Variants in JAZF1 observed in about 807,000 individuals in gnomAD.
JAZF1 encodes juxtaposed with another zinc finger protein 1.
Under a neutral mutation model 26.4 loss-of-function variants are expected in JAZF1, and 8 were observed. The observed-to-expected ratio is 0.30, with a 90% confidence interval of 0.18 to 0.55. The LOEUF is 0.55. Ranked by LOEUF, JAZF1 falls within the 20% of genes least tolerant of loss-of-function variation. JAZF1 has a pLI of 0.94. For synonymous variants in JAZF1, 126 were observed against 122.3 expected, an observed-to-expected ratio of 1.03 and a Z score of -0.20; for missense variants, 199 against 322.0, an observed-to-expected ratio of 0.62 and a Z score of 2.92.
intron 1 of JAZF1, among the ~76,000 whole-genome samples, chr7:28,150,415 A>C (rs748832405): frequency 5.3e-5 from 8 of 152,232 alleles, no homozygotes; most frequent in African/African-American, 1.9e-4. Flanking sequence ...GATATTGACT[A>C]TCATTATCTT....
Position 28,132,572 on chromosome 7 carries a change from G to A in JAZF1, c.115+47891C>T, listed in dbSNP as rs1435474158. Among the ~76,000 whole-genome samples, 11 of 152,122 alleles carry A rather than the reference G, an allele frequency of 7.2e-5. 1 individual carries two copies. In the East Asian group the frequency reaches 2.1e-3, roughly 29 times the overall value. ...GGCAATTGGAGCTACACATAAGGAA[G>A]CAATTTCCAGCCATAATTTTAATTA... On this transcript the variant is annotated intron_variant, in intron 1 of 4. Coordinates refer to ENST00000283928, the MANE Select transcript of JAZF1 (RefSeq NM_175061.4).
In JAZF1 at chr7:27,832,384, A is replaced by G. The variant is rs1167176152; in HGVS notation, c.*416T>C. On this transcript the variant is annotated 3_prime_UTR_variant, in exon 5 of 5. Transcript: ENST00000283928. ...TAATGAAGGTATTATTTTGGTTTTGAACATATGTGAGTTGATGTGTTGAAA... is the reference window on the plus strand; with the variant it reads ...TAATGAAGGTATTATTTTGGTTTTGGACATATGTGAGTTGATGTGTTGAAA... 1 of 226,948 alleles carries G rather than the reference A, an allele frequency of 4.4e-6. No individual in the cohort carries two copies. The highest frequency in any genetic ancestry group is 8.8e-6 in the Non-Finnish European group (1 of 113,948). 14.1% of individuals were successfully genotyped at this position (226,948 alleles called of 1,614,324 possible). A position where few individuals can be genotyped will look rare whatever the true frequency, so the allele number is the denominator to read the frequency against.
chr7:27,962,759 C>T (rs930963676), intron 2 of JAZF1, among the ~76,000 whole-genome samples: 4 of 152,130 alleles, frequency 2.6e-5, no homozygotes, highest in Non-Finnish European at 5.9e-5. Flanking sequence ...ATTAAAATCA[C>T]GTCTAATCAG....
At chr7:27,968,785 G>C (rs922086962) in intron 2 of JAZF1, among the ~76,000 whole-genome samples, 13 of 152,104 alleles carry the variant, frequency 8.5e-5, no homozygotes, top group African/African-American at 3.1e-4. Context: ...GTACATCACT[G>C]AATCTGGTTG....
At chr7:27,921,440 T>A (rs1253113040) in intron 2 of JAZF1, among the ~76,000 whole-genome samples, 3 of 152,156 alleles carry the variant, frequency 2.0e-5, no homozygotes, top group African/African-American at 7.2e-5. Flanking sequence ...AGCATGATTT[T>A]TCTTAAAGTG....
rs553218651 is a variant in JAZF1 at position 28,009,145 on chromosome 7, G to T, written c.116-17164C>A. ...GATTTTCTAGGCTTACTTAAGATGAGGTTTAATGCTCTAGACATGGATTCA... is the reference window on the plus strand; with the variant it reads ...GATTTTCTAGGCTTACTTAAGATGATGTTTAATGCTCTAGACATGGATTCA... On this transcript the variant is annotated intron_variant, in intron 1 of 4. Transcript: ENST00000283928. Among the ~76,000 whole-genome samples, 10 of 152,136 alleles carry T rather than the reference G, an allele frequency of 6.6e-5. 1 individual carries two copies. The South Asian group carries it at 2.1e-3, about 32-fold the overall frequency.
At chr7:28,070,563 C>T (rs1349675000) in intron 1 of JAZF1, among the ~76,000 whole-genome samples, 3 of 152,218 alleles carry the variant, frequency 2.0e-5, no homozygotes, top group African/African-American at 7.2e-5. Context: ...GATCCTGCCC[C>T]ATGTCCGGCT....
intron 2 of JAZF1, among the ~76,000 whole-genome samples, chr7:27,961,358 T>C (rs1175773791): frequency 6.6e-6 from 1 of 152,198 alleles, no homozygotes; most frequent in African/African-American, 2.4e-5. Context: ...CATGTAATTA[T>C]AATATATGAT....
intron 1 of JAZF1, among the ~76,000 whole-genome samples, chr7:28,033,838 G>A (rs1235185606): frequency 6.6e-6 from 1 of 152,096 alleles, no homozygotes; most frequent in Non-Finnish European, 1.5e-5. Context: ...CACTTCCTGG[G>A]TTCAAGCAAT....
chr7:27,905,256 C>T (rs776226961), intron 2 of JAZF1, among the ~76,000 whole-genome samples: 2 of 152,108 alleles, frequency 1.3e-5, no homozygotes, highest in Admixed American at 6.6e-5. Flanking sequence ...GAGCTACCCA[C>T]GCCTGGCCTG....
intron 2 of JAZF1, among the ~76,000 whole-genome samples, chr7:27,900,450 A>G (rs377394171): frequency 4.6e-5 from 7 of 152,212 alleles, no homozygotes; most frequent in African/African-American, 1.4e-4. Flanking sequence ...GTATAATGCA[A>G]AGTAACCTAC....
intron 1 of JAZF1, among the ~76,000 whole-genome samples, chr7:28,158,184 CACAG>C (rs762197010): frequency 9.5e-6 from 1 of 105,318 alleles, no homozygotes; most frequent in East Asian, 5.0e-4. Context: ...CACACACACA[CACAG>C]AGAGAGAGAG....
At chr7:28,131,206 G>T (rs534304846) in intron 1 of JAZF1, among the ~76,000 whole-genome samples, 5 of 151,874 alleles carry the variant, frequency 3.3e-5, no homozygotes, top group African/African-American at 9.7e-5. Flanking sequence ...TTGTTCATTC[G>T]TTTCAGTAAG....
chr7:28,046,128 G>A (rs544156500), intron 1 of JAZF1, among the ~76,000 whole-genome samples: 1 of 152,254 alleles, frequency 6.6e-6, no homozygotes, highest in Non-Finnish European at 1.5e-5. Context: ...ATTTGTATCT[G>A]TTTCTTATTC....
chr7:28,117,989 C>T (rs1427690091), intron 1 of JAZF1: 1 of 151,862 alleles, frequency 6.6e-6, no homozygotes, highest in Non-Finnish European at 1.5e-5. Flanking sequence ...AACACCAGTA[C>T]GTGCGGTATT....
At chr7:28,108,453 G>A (rs1483126343) in intron 1 of JAZF1, among the ~76,000 whole-genome samples, 1 of 152,134 alleles carries the variant, frequency 6.6e-6, no homozygotes, top group Non-Finnish European at 1.5e-5. Context: ...AACAACTCAT[G>A]TTGTCTTTAC....
intron 3 of JAZF1, among the ~76,000 whole-genome samples, chr7:27,894,911 G>A (rs1011359505): frequency 3.9e-5 from 6 of 152,088 alleles, no homozygotes; most frequent in South Asian, 2.1e-4. Flanking sequence ...GTTGTAAATC[G>A]GGTGATGAAA....
chr7:28,110,559 G>A lies in JAZF1; in HGVS notation c.115+69904C>T, dbSNP rs56121674. On this transcript the variant is annotated intron_variant, in intron 1 of 4. Transcript: ENST00000283928. Reference sequence around the variant, plus strand: ...AAGGAAAAGGAAAAGGAAAAGGAAAGGGAAAGGAAAAGGGAAAGGGAAAAG... The same window carrying A: ...AAGGAAAAGGAAAAGGAAAAGGAAAAGGAAAGGAAAAGGGAAAGGGAAAAG... Among the ~76,000 whole-genome samples, 356 of 56,360 alleles carry A rather than the reference G, an allele frequency of 6.3e-3. 10 individuals carry two copies. Among genetic ancestry groups the A allele is most frequent in the Middle Eastern group, 0.014 (1 of 74 alleles). 37.0% of individuals were successfully genotyped at this position (56,360 alleles called of 152,430 possible). A position where few individuals can be genotyped will look rare whatever the true frequency, so the allele number is the denominator to read the frequency against.
intron 1 of JAZF1, among the ~76,000 whole-genome samples, chr7:28,006,096 A>T (rs1321589774): frequency 6.6e-6 from 1 of 152,128 alleles, no homozygotes; most frequent in Non-Finnish European, 1.5e-5. Flanking sequence ...ATAAATACTT[A>T]ATAAATCTTA....
Sources: allele counts gnomAD v4.1 joint callset (sites outside exome capture counted in the v4.1 genomes callset), GRCh38; gene constraint gnomAD v4.1.1; transcripts MANE v1.5; gene names NCBI Gene and HGNC (gene_info 2026-07-23, HGNC 2026-07-21).